The following LINGO1 variants were observed in gnomAD, a reference collection of about 807,000 sequenced individuals.
LINGO1 encodes leucine-rich repeat and immunoglobulin-like domain-containing nogo receptor-interacting protein 1.
Under a neutral mutation model 37.3 loss-of-function variants are expected in LINGO1, and 11 were observed. The ratio of observed to expected loss-of-function variants is 0.29; its 90% CI spans 0.19 to 0.49. LINGO1 has a LOEUF of 0.49. Among genes scored for constraint, LINGO1 ranks in the 20% least tolerant of loss-of-function variants. LINGO1 has a pLI of 0.99. For missense variants in LINGO1, 585 were observed against 878.2 expected (o/e 0.67, Z 4.22); for synonymous variants, 387 against 403.0 (o/e 0.96, Z 0.48).
Position 77,668,595 on chromosome 15 carries a change from G to A in LINGO1, c.-13+8494C>T, listed in dbSNP as rs567445376. 1.1e-4 allele frequency among the ~76,000 whole-genome samples: 17 copies of A among 152,182 alleles called. No homozygotes were observed. The South Asian group carries it at 2.9e-3, about 26-fold the overall frequency. On this transcript the variant is annotated intron_variant, in intron 3 of 3. Coordinates refer to the LINGO1 transcript ENST00000559893. Reference sequence around the variant, plus strand: ...GGACTGTCAGAGAAATGCACTTTACGTGCCAGGGTCACGACGCATGCGCAG... The same window carrying A: ...GGACTGTCAGAGAAATGCACTTTACATGCCAGGGTCACGACGCATGCGCAG...
intron 3 of LINGO1, among the ~76,000 whole-genome samples, chr15:77,672,631 A>T (rs1329229916): frequency 6.6e-6 from 1 of 152,114 alleles, no homozygotes; most frequent in Admixed American, 6.5e-5. Context: ...TGTCAGCCCC[A>T]CACCTGTGAG....
Position 77,724,954 on chromosome 15 carries a change from C to T in LINGO1, c.-195+10038G>A, listed in dbSNP as rs555603094. Among the ~76,000 whole-genome samples the T allele has an allele frequency of 1.4e-4, 21 of 152,350 alleles. No individual in the cohort carries two copies. The South Asian group carries it at 4.3e-3, about 32-fold the overall frequency. ...TGTGTGGACCCGGCCACCGCCCCACCCCAGGAGAGCCTGAGATGAAGGCCT... is the reference window on the plus strand; with the variant it reads ...TGTGTGGACCCGGCCACCGCCCCACTCCAGGAGAGCCTGAGATGAAGGCCT... On this transcript the variant is annotated intron_variant, in intron 2 of 3. Transcript: ENST00000561686.
chr15:77,763,065 G>A (rs1170943575), intron 1 of LINGO1, among the ~76,000 whole-genome samples: 2 of 152,024 alleles, frequency 1.3e-5, no homozygotes, highest in African/African-American at 4.8e-5. Context: ...GCCCTCGCCC[G>A]GCTGGTGGAA....
chr15:77,746,711 T>A (rs2076318166), intron 1 of LINGO1, among the ~76,000 whole-genome samples: 1 of 152,122 alleles, frequency 6.6e-6, no homozygotes. Context: ...AAAGCTAACA[T>A]GATGGATGGC....
chr15:77,712,445 C>G (rs911688835), intron 2 of LINGO1, among the ~76,000 whole-genome samples: 1 of 152,194 alleles, frequency 6.6e-6, no homozygotes, highest in African/African-American at 2.4e-5. Context: ...AAACCCCAAC[C>G]TGGATGAATC....
chr15:77,753,155 A>G (rs1233230626), intron 1 of LINGO1, among the ~76,000 whole-genome samples: 1 of 152,234 alleles, frequency 6.6e-6, no homozygotes, highest in Admixed American at 6.5e-5. Flanking sequence ...ACTGCCTCCA[A>G]CTAACCTCCA....
chr15:77,687,839 A>C (rs952835378), intron 2 of LINGO1, among the ~76,000 whole-genome samples: 2 of 152,206 alleles, frequency 1.3e-5, no homozygotes, highest in African/African-American at 4.8e-5. Context: ...TCCTCCCGTC[A>C]CAGGGCCTGA....
intron 2 of LINGO1, among the ~76,000 whole-genome samples, chr15:77,710,024 G>A (rs1446435621): frequency 6.6e-6 from 1 of 152,264 alleles, no homozygotes; most frequent in Non-Finnish European, 1.5e-5. Flanking sequence ...GCACAGGGGA[G>A]TTGGAGCAGA....
chr15:77,812,979 G>C (rs1034435286), intron 1 of LINGO1, among the ~76,000 whole-genome samples: 15 of 152,206 alleles, frequency 9.9e-5, no homozygotes, highest in African/African-American at 3.4e-4. Context: ...TGGCCACAGA[G>C]GCCCCAAGGG....
intron 2 of LINGO1, among the ~76,000 whole-genome samples, chr15:77,727,206 C>T (rs2076110802): frequency 6.6e-6 from 1 of 152,188 alleles, no homozygotes; most frequent in Non-Finnish European, 1.5e-5. Flanking sequence ...ATCCAGCAAT[C>T]CCACTTTTGG....
intron 3 of LINGO1, among the ~76,000 whole-genome samples, chr15:77,658,681 C>T (rs1386112718): frequency 3.3e-5 from 5 of 152,260 alleles, no homozygotes; most frequent in Non-Finnish European, 7.3e-5. Flanking sequence ...CTGCTTTCAG[C>T]ACTAAGAGTT....
chr15:77,690,791 T>C (rs1386323816), exon 2 of LINGO1: 1 of 152,032 alleles, frequency 6.6e-6, no homozygotes, highest in African/African-American at 2.4e-5. Flanking sequence ...GGGTCAGGAG[T>C]AGACTTGGGA....
chr15:77,628,022 A>T (rs2074144934), intron 1 of LINGO1, among the ~76,000 whole-genome samples: 1 of 152,198 alleles, frequency 6.6e-6, no homozygotes, highest in Non-Finnish European at 1.5e-5. Flanking sequence ...ACCATCTTAC[A>T]TTCATTCAAT....
chr15:77,812,493 G>A (rs1350380855), intron 1 of LINGO1, among the ~76,000 whole-genome samples: 1 of 152,188 alleles, frequency 6.6e-6, no homozygotes, highest in African/African-American at 2.4e-5. Context: ...GGTGGAGGAG[G>A]TGGGCAAAAG....
In LINGO1 at chr15:77,799,130, C is replaced by T. The variant is rs562200449; in HGVS notation, c.-457-3077G>A. Reference sequence around the variant, plus strand: ...GCCCAGAGCCCAGGTCTCCTCTTCCCCAGACCTGAGCCCCTCTGATCAATA... The same window carrying T: ...GCCCAGAGCCCAGGTCTCCTCTTCCTCAGACCTGAGCCCCTCTGATCAATA... On this transcript the variant is annotated intron_variant, in intron 1 of 5. Transcript: ENST00000562933. Among the ~76,000 whole-genome samples the T allele has an allele frequency of 2.6e-5, 4 of 152,294 alleles. No individual in the cohort carries two copies. In the East Asian group the frequency reaches 7.7e-4, roughly 29 times the overall value.
At position 77,720,544 on chromosome 15, in the gene LINGO1, T is replaced by C. The variant is rs189714975; in HGVS notation, c.-195+14448A>G. 2.0e-5 allele frequency: 3 copies of C among 152,408 alleles called. No homozygotes were observed. In the East Asian group the frequency reaches 5.8e-4, roughly 29 times the overall value. The allele number at this position is 152,408 out of a possible 1,614,324, so 9.4% of individuals were successfully genotyped here. A position where few individuals can be genotyped will look rare whatever the true frequency, so the allele number is the denominator to read the frequency against. On this transcript the variant is annotated intron_variant, in intron 2 of 3. Transcript: ENST00000561686. ...TTAAAGAGAGCAGTGGAACTGTTTT[T>C]ATTAATCAGAACTGCTGTAAAGAAA...
chr15:77,759,431 T>C (rs2076452748), intron 1 of LINGO1, among the ~76,000 whole-genome samples: 1 of 152,214 alleles, frequency 6.6e-6, no homozygotes, highest in South Asian at 2.1e-4. Context: ...CAAGTGGGCC[T>C]GAGGCAGCAA....
intron 2 of LINGO1, chr15:77,707,415 G>A (rs1414979413): frequency 6.6e-6 from 1 of 152,248 alleles, no homozygotes; most frequent in East Asian, 1.9e-4. Context: ...AAGCACAAAT[G>A]ATCCCAACCA....
chr15:77,643,026 C>T (rs1431047199), intron 3 of LINGO1, among the ~76,000 whole-genome samples: 1 of 152,208 alleles, frequency 6.6e-6, no homozygotes, highest in Non-Finnish European at 1.5e-5. Flanking sequence ...TGGGAGGAGA[C>T]AGAGACTCAC....
Sources: gnomAD v4.1 joint callset for allele counts (sites outside exome capture counted in the v4.1 genomes callset) on GRCh38, gnomAD v4.1.1 for gene constraint, MANE v1.5 for transcripts, NCBI Gene and HGNC (gene_info 2026-07-23, HGNC 2026-07-21) for gene names.